CHRNA9: variants seen among roughly 807,000 people sequenced by gnomAD.
CHRNA9 encodes neuronal acetylcholine receptor subunit alpha-9.
In CHRNA9, 24 loss-of-function variants were observed where a neutral mutation model predicts 36.8. The observed-to-expected ratio is 0.65, with a 90% CI of 0.47 to 0.92. The LOEUF is 0.92. Ranked by LOEUF, CHRNA9 falls within the 40% of genes least tolerant of loss-of-function variation. The pLI is 0.00. For missense variants in CHRNA9, 610 were observed against 601.2 expected (o/e 1.01, Z -0.15); for synonymous variants, 231 against 231.8 (o/e 1.00, Z 0.03).
At chr4:40,340,115 C>T (rs1392292091) in intron 3 of CHRNA9, among the ~76,000 whole-genome samples, 1 of 152,128 alleles carries the variant, frequency 6.6e-6, no homozygotes, top group African/African-American at 2.4e-5. Flanking sequence ...TTAAGCTGAC[C>T]CCACTGCTCC....
At chr4:40,336,761 T>A (rs1712334010) in intron 2 of CHRNA9, among the ~76,000 whole-genome samples, 2 of 152,198 alleles carry the variant, frequency 1.3e-5, no homozygotes, top group East Asian at 3.8e-4. Context: ...ATTACAGGCA[T>A]GAGCCACCGC....
chr4:40,351,344 T>A (rs141121483), intron 4 of CHRNA9, among the ~76,000 whole-genome samples: 2 of 127,200 alleles, frequency 1.6e-5, no homozygotes, highest in African/African-American at 2.9e-5. Flanking sequence ...AAAAAAAAAA[T>A]TGAAAAAAAA....
Position 40,354,574 on chromosome 4 carries a change from C to T in CHRNA9, c.*54C>T. 1 of 1,393,256 alleles carries T rather than the reference C, an allele frequency of 7.2e-7. No homozygotes were observed. The highest frequency in any genetic ancestry group is 1.3e-5 in the South Asian group (1 of 76,062). 86.3% of individuals were successfully genotyped at this position (1,393,256 alleles called of 1,614,324 possible). On this transcript the variant is annotated 3_prime_UTR_variant, in exon 5 of 5. Transcript: ENST00000310169. ...AGAAATTAATACAATTCCCTGTGAT[C>T]TATTCCAATGTTCTTCCAAGATTTT...
chr4:40,346,088 T>C (rs946472572), intron 3 of CHRNA9, among the ~76,000 whole-genome samples: 1 of 152,202 alleles, frequency 6.6e-6, no homozygotes, highest in African/African-American at 2.4e-5. Flanking sequence ...GCTGGGGTGA[T>C]GTTTTTGGTC....
At chr4:40,353,578 G>A (rs1475728065) in intron 4 of CHRNA9, among the ~76,000 whole-genome samples, 2 of 152,110 alleles carry the variant, frequency 1.3e-5, no homozygotes, top group Non-Finnish European at 1.5e-5. Flanking sequence ...GCCAAACACA[G>A]TCATGTGCCT....
chr4:40,343,218 A>G (rs1472670623), intron 3 of CHRNA9, among the ~76,000 whole-genome samples: 1 of 152,238 alleles, frequency 6.6e-6, no homozygotes, highest in African/African-American at 2.4e-5. Flanking sequence ...GATCAGATAC[A>G]GAAGAGGAGA....
chr4:40,352,601 C>G (rs898522722), intron 4 of CHRNA9, among the ~76,000 whole-genome samples: 3 of 152,048 alleles, frequency 2.0e-5, no homozygotes, highest in Non-Finnish European at 2.9e-5. Context: ...TTCTCTATTT[C>G]TCTCTCTATC....
At position 40,349,261 on chromosome 4, in the gene CHRNA9, G is replaced by T. The variant is rs774214997; in HGVS notation, c.745G>T (p.Val249Phe). The change falls in exon 4 of 5, where the codon GTC (valine) becomes TTC (phenylalanine). Residue 249 changes from valine (V) to phenylalanine (F), a missense_variant. Physicochemically the swap from Val to Phe is conservative, Grantham distance 50. Coordinates refer to ENST00000310169, the MANE Select transcript of CHRNA9 (RefSeq NM_017581.4). The stretch of plus-strand genomic sequence containing the variant: ...TATCGTCAACCTCCTCATCCCATGC[G>T]TCCTCATATCTTTTCTGGCTCCTCT... The part of the protein sequence containing the change: ...FYIVNLLIPC[V>F]LISFLAPLSF... 3 of 1,614,060 alleles carry T rather than the reference G, an allele frequency of 1.9e-6. No individual in the cohort carries two copies. The highest frequency in any genetic ancestry group is 2.5e-6 in the Non-Finnish European group (3 of 1,180,000).
intron 3 of CHRNA9, among the ~76,000 whole-genome samples, chr4:40,347,279 T>G (rs1712662082): frequency 6.6e-6 from 1 of 152,212 alleles, no homozygotes; most frequent in Admixed American, 6.5e-5. Flanking sequence ...AAAACATGCC[T>G]GTTCTGACCC....
chr4:40,346,054 A>C (rs62302178), intron 3 of CHRNA9, among the ~76,000 whole-genome samples: 68,052 of 151,660 alleles, frequency 0.45, 16,750 homozygotes, highest in East Asian at 0.81. Flanking sequence ...ACAACAACAA[A>C]AACCCACAAC....
At position 40,354,718 on chromosome 4, in the gene CHRNA9, A is replaced by T; in HGVS notation, c.*198A>T. 1 of 537,400 alleles carries T rather than the reference A, an allele frequency of 1.9e-6. No homozygotes were observed. The highest frequency in any genetic ancestry group is 3.3e-6 in the Non-Finnish European group (1 of 306,136). 33.3% of individuals were successfully genotyped at this position (537,400 alleles called of 1,614,324 possible). A position where few individuals can be genotyped will look rare whatever the true frequency, so the allele number is the denominator to read the frequency against. ...AAGAACCAAAATTTCAAGGGTAGGA[A>T]GATGGAAGAAATAGGGAAAGAGCCC... is the stretch of plus-strand genomic sequence containing the variant. On this transcript the variant is annotated 3_prime_UTR_variant, in exon 5 of 5. Transcript: ENST00000310169.
At chr4:40,348,859 C>T in intron 3 of CHRNA9, 23 bp from the exon 4 acceptor site, 1 of 1,603,840 alleles carries the variant, frequency 6.2e-7, no homozygotes, top group Non-Finnish European at 8.5e-7. Context: ...ATGCGGCTTT[C>T]ATTTTCCTTA....
chr4:40,336,517 C>T (rs1024323425), intron 2 of CHRNA9, among the ~76,000 whole-genome samples: 2 of 151,994 alleles, frequency 1.3e-5, no homozygotes, highest in Non-Finnish European at 2.9e-5. Context: ...CTTGCTGTCA[C>T]CCAGGCTGGA....
intron 4 of CHRNA9, among the ~76,000 whole-genome samples, chr4:40,353,525 A>G (rs1016325859): frequency 6.6e-6 from 1 of 152,018 alleles, no homozygotes; most frequent in East Asian, 1.9e-4. Context: ...ATTAACCACT[A>G]GGGTATAACA....
chr4:40,349,235 A>T lies in CHRNA9; in HGVS notation c.719A>T (p.Tyr240Phe). The T allele has an allele frequency of 6.2e-7, 1 of 1,614,108 alleles. No homozygotes were observed. Among genetic ancestry groups the T allele is most frequent in the South Asian group, 1.1e-5 (1 of 91,078 alleles). ...CTTCTGAAGAGGAGGTCCTCGTTCT[A>T]TATCGTCAACCTCCTCATCCCATGC... is the stretch of plus-strand genomic sequence containing the variant. ...TLLLKRRSSFYIVNLLIPCVL... is the reference protein window; with the variant it reads ...TLLLKRRSSFFIVNLLIPCVL... The change falls in exon 4 of 5, where the codon TAT (tyrosine) becomes TTT (phenylalanine). Residue 240 changes from tyrosine (Y) to phenylalanine (F), a missense_variant. Transcript: ENST00000310169.
In CHRNA9 at chr4:40,354,291, T is replaced by A; in HGVS notation, c.1211T>A (p.Leu404Gln). 2 of 1,614,156 alleles carry A rather than the reference T, an allele frequency of 1.2e-6. No homozygotes were observed. Among genetic ancestry groups the A allele is most frequent in the Admixed American group, 3.3e-5 (2 of 60,024 alleles). Residue 404 changes from leucine (L) to glutamine (Q), a missense_variant, in exon 5 of 5, where the codon CTG becomes CAG. Physicochemically the swap from Leu to Gln is moderately radical, Grantham distance 113. Transcript: ENST00000310169. ...ATGAACAAACGCTTAAAGAACGACCTGGGCTGCCAGGGTAAGAACCCTCAG... is the reference window on the plus strand; with the variant it reads ...ATGAACAAACGCTTAAAGAACGACCAGGGCTGCCAGGGTAAGAACCCTCAG... ...KDMNKRLKNDLGCQGKNPQEA... is the reference protein window; with the variant it reads ...KDMNKRLKNDQGCQGKNPQEA...
Position 40,350,693 on chromosome 4 carries a change from T to TACACACACACACACACACAC in CHRNA9, c.898+1294_898+1313dup, listed in dbSNP as rs59972613. On this transcript the variant is annotated intron_variant, in intron 4 of 4. Coordinates refer to ENST00000310169, the MANE Select transcript of CHRNA9 (RefSeq NM_017581.4). ...CCTTTTTATGTCTCTCTTTGCAAAA[T>TACACACACACACACACACAC]ACACACACACACACACACACACACA... is the stretch of plus-strand genomic sequence containing the variant. Among the ~76,000 whole-genome samples, 880 of 143,962 alleles carry TACACACACACACACACACAC rather than the reference T, an allele frequency of 6.1e-3. 7 individuals carry two copies. The highest frequency in any genetic ancestry group is 0.018 in the Middle Eastern group (5 of 282). The allele number at this position is 143,962 out of a possible 152,430, so 94.4% of individuals were successfully genotyped here.
chr4:40,347,559 T>C (rs1712670148), intron 3 of CHRNA9, among the ~76,000 whole-genome samples: 1 of 152,234 alleles, frequency 6.6e-6, no homozygotes, highest in Admixed American at 6.5e-5. Flanking sequence ...ATCTTTTTTT[T>C]CCCTTTTATT....
At chr4:40,340,854 T>A (rs58350463) in intron 3 of CHRNA9, among the ~76,000 whole-genome samples, 3,179 of 151,746 alleles carry the variant, frequency 0.021, 124 homozygotes, top group African/African-American at 0.074. Flanking sequence ...CCTTGAAGAC[T>A]TGATGATGGT....
Sources: allele counts gnomAD v4.1 joint callset (sites outside exome capture counted in the v4.1 genomes callset), GRCh38; gene constraint gnomAD v4.1.1; transcripts MANE v1.5; gene names NCBI Gene and HGNC (gene_info 2026-07-23, HGNC 2026-07-21).